Variants in AHI1 observed in about 807,000 individuals in gnomAD.
AHI1 encodes the protein jouberin.
A neutral mutation model predicts 149.3 loss-of-function variants in AHI1; 123 were observed. The ratio of observed to expected loss-of-function variants is 0.82; its 90% CI spans 0.71 to 0.96. The LOEUF is 0.96. Ranked by LOEUF, AHI1 falls within the 40% of genes least tolerant of loss-of-function variation. The pLI, the probability that AHI1 is intolerant of heterozygous loss-of-function variation, is 0.00. For synonymous variants in AHI1, 475 were observed against 459.8 expected (o/e 1.03, Z -0.42); for missense variants, 1,439 against 1,422.7 (o/e 1.01, Z -0.18).
At chr6:135,381,035 C>T (rs972546887) in intron 23 of AHI1, among the ~76,000 whole-genome samples, 1 of 152,070 alleles carries the variant, frequency 6.6e-6, no homozygotes, top group Non-Finnish European at 1.5e-5. Flanking sequence ...ACATTAAGCA[C>T]ATTAATTTGC....
intron 5 of AHI1, among the ~76,000 whole-genome samples, chr6:135,475,823 T>C (rs572925128): frequency 1.5e-3 from 234 of 152,324 alleles, no homozygotes; most frequent in South Asian, 8.9e-3. Flanking sequence ...ATAAATGGTG[T>C]GGGTATAACA....
intron 23 of AHI1, among the ~76,000 whole-genome samples, chr6:135,380,392 G>A (rs191505560): frequency 7.2e-4 from 109 of 152,200 alleles, no homozygotes; most frequent in Non-Finnish European, 1.1e-3. Flanking sequence ...ATTATTTAAA[G>A]TATATAGGAG....
chr6:135,449,110 A>C (rs1473308112), intron 11 of AHI1, among the ~76,000 whole-genome samples: 2 of 152,058 alleles, frequency 1.3e-5, no homozygotes, highest in African/African-American at 4.8e-5. Flanking sequence ...GCAGTGGCAA[A>C]ATCTTGGCTC....
intron 21 of AHI1, 38 bp from the exon 22 acceptor site, chr6:135,405,015 T>G: frequency 6.5e-7 from 1 of 1,540,638 alleles, no homozygotes. Flanking sequence ...GTATTCATAA[T>G]TTCATTAAAT....
At chr6:135,433,642 G>A (rs75781790) in intron 15 of AHI1, among the ~76,000 whole-genome samples, 3,699 of 152,072 alleles carry the variant, frequency 0.024, 65 homozygotes, top group East Asian at 0.054. Context: ...TTCCCATTTA[G>A]GTTGTGTATA....
At chr6:135,431,913 A>C (rs1433149594) in intron 16 of AHI1, among the ~76,000 whole-genome samples, 1 of 151,676 alleles carries the variant, frequency 6.6e-6, no homozygotes, top group Non-Finnish European at 1.5e-5. Context: ...CTGTATTAAA[A>C]TATTCTTTCT....
intron 14 of AHI1, among the ~76,000 whole-genome samples, chr6:135,442,289 G>A (rs1786421370): frequency 6.6e-6 from 1 of 151,978 alleles, no homozygotes; most frequent in Non-Finnish European, 1.5e-5. Flanking sequence ...ATTCATCCTT[G>A]TTTCCAAATT....
chr6:135,364,903 C>T (rs1056904970), intron 23 of AHI1, among the ~76,000 whole-genome samples: 1 of 150,216 alleles, frequency 6.7e-6, no homozygotes, highest in Non-Finnish European at 1.5e-5. Context: ...AGAGGGAGAC[C>T]GTGGGGAGAG....
At chr6:135,496,486 T>G (rs967496849) in intron 2 of AHI1, among the ~76,000 whole-genome samples, 4 of 152,128 alleles carry the variant, frequency 2.6e-5, no homozygotes, top group Non-Finnish European at 5.9e-5. Context: ...ATTAGTAACC[T>G]CTGCAAAAAA....
At chr6:135,490,420 G>C (rs1261522277) in intron 5 of AHI1, 1 of 666,666 alleles carries the variant, frequency 1.5e-6, no homozygotes. Context: ...CTTCCTGTAG[G>C]ACAGCACTCA....
At chr6:135,293,501 AC>A (rs1782668494) in intron 27 of AHI1, among the ~76,000 whole-genome samples, 1 of 151,764 alleles carries the variant, frequency 6.6e-6, no homozygotes. Flanking sequence ...TTGTCTGTCT[AC>A]ACAGAATATC....
intron 23 of AHI1, among the ~76,000 whole-genome samples, chr6:135,385,631 G>A (rs1486401049): frequency 6.6e-6 from 1 of 152,210 alleles, no homozygotes; most frequent in African/African-American, 2.4e-5. Context: ...AGTAGATATA[G>A]AAGCTATCTG....
At chr6:135,477,375 G>T (rs1792845054) in intron 5 of AHI1, among the ~76,000 whole-genome samples, 1 of 152,068 alleles carries the variant, frequency 6.6e-6, no homozygotes. Context: ...TTTCTCAATA[G>T]ATTTTTGTGA....
intron 21 of AHI1, among the ~76,000 whole-genome samples, chr6:135,406,562 T>C (rs899704700): frequency 6.6e-6 from 1 of 152,230 alleles, no homozygotes; most frequent in African/African-American, 2.4e-5. Flanking sequence ...GCCAGAAATA[T>C]ATCAATTATT....
chr6:135,377,734 A>G (rs1163507678), intron 23 of AHI1, among the ~76,000 whole-genome samples: 1 of 151,534 alleles, frequency 6.6e-6, no homozygotes, highest in Non-Finnish European at 1.5e-5. Context: ...TCCTGCCCCA[A>G]CCTCCCAAAG....
chr6:135,494,236 C>A (rs544914238), intron 3 of AHI1, among the ~76,000 whole-genome samples: 7 of 152,326 alleles, frequency 4.6e-5, no homozygotes, highest in African/African-American at 1.7e-4. Flanking sequence ...TATAAAAACA[C>A]CCTACCAGTG....
At chr6:135,289,997 G>GC (rs1562437946) in intron 28 of AHI1, among the ~76,000 whole-genome samples, 1 of 151,742 alleles carries the variant, frequency 6.6e-6, no homozygotes, top group Non-Finnish European at 1.5e-5. Flanking sequence ...AGTTCCTTAG[G>GC]CCCCCAGGGA....
chr6:135,298,211 G>A (rs886366659), intron 27 of AHI1, among the ~76,000 whole-genome samples: 1 of 151,702 alleles, frequency 6.6e-6, no homozygotes, highest in Non-Finnish European at 1.5e-5. Flanking sequence ...AAGATTTTCA[G>A]GAAAATACTT....
Position 135,438,362 on chromosome 6 carries a change from C to G in AHI1, c.2036+13G>C, listed in dbSNP as rs1253041348. ...AAACAGCATGCACATAAGTACTTCTCAAGGATACTAACCTGGCAGTGCCAT... is the reference window on the plus strand; with the variant it reads ...AAACAGCATGCACATAAGTACTTCTGAAGGATACTAACCTGGCAGTGCCAT... On this transcript the variant is annotated intron_variant, in intron 15 of 28. Transcript: ENST00000265602. 1 of 1,577,316 alleles carries G rather than the reference C, an allele frequency of 6.3e-7. No individual in the cohort carries two copies. The highest frequency in any genetic ancestry group is 1.3e-5 in the African/African-American group (1 of 74,312).
Sources: allele counts gnomAD v4.1 joint callset (sites outside exome capture counted in the v4.1 genomes callset), GRCh38; gene constraint gnomAD v4.1.1; transcripts MANE v1.5; gene names NCBI Gene and HGNC (gene_info 2026-07-23, HGNC 2026-07-21).